VGLL4: variants seen among roughly 807,000 people sequenced by gnomAD.
VGLL4 encodes vestigial like family member 4.
VGLL4 carries 7 observed loss-of-function variants against 21.0 expected under a neutral mutation model. The ratio of observed to expected loss-of-function variants is 0.33; its 90% CI spans 0.19 to 0.63. VGLL4 has a LOEUF of 0.63. Ranked by LOEUF, VGLL4 falls within the 20% of genes least tolerant of loss-of-function variation. The probability of loss-of-function intolerance (pLI) is 0.78; values close to 1 mark genes in which losing one functional copy is unlikely to be tolerated. For synonymous variants in VGLL4, 222 were observed against 173.2 expected (o/e 1.28, Z -2.21); for missense variants, 394 against 425.7 (o/e 0.93, Z 0.66).
At chr3:11,569,992 C>T (rs2073709611) in intron 2 of VGLL4, among the ~76,000 whole-genome samples, 1 of 152,222 alleles carries the variant, frequency 6.6e-6, no homozygotes, top group Non-Finnish European at 1.5e-5. Context: ...CAGCTGTATG[C>T]TCTGCTAATT....
chr3:11,585,595 A>T (rs895917404), intron 2 of VGLL4, among the ~76,000 whole-genome samples: 12 of 152,188 alleles, frequency 7.9e-5, no homozygotes, highest in African/African-American at 2.9e-4. Context: ...GGAATGTTCC[A>T]CCTCTGCCAT....
chr3:11,558,379 C>G lies in VGLL4; in HGVS notation c.*177G>C, dbSNP rs1378327428. 3 of 1,067,266 alleles carry G rather than the reference C, an allele frequency of 2.8e-6. No homozygotes were observed. The African/African-American group carries it at 4.8e-5, about 17-fold the overall frequency. The allele number at this position is 1,067,266 out of a possible 1,614,324, so 66.1% of individuals were successfully genotyped here. ...TATCATGTTTGAGGGCCCCCTTGTA[C>G]GGATACCAAGCAAGTACAAAAACAG... On this transcript the variant is annotated 3_prime_UTR_variant, in exon 5 of 5. Transcript: ENST00000430365.
upstream of VGLL4, among the ~76,000 whole-genome samples, chr3:11,647,874 A>T (rs1006169526): frequency 6.6e-6 from 1 of 152,104 alleles, no homozygotes; most frequent in Non-Finnish European, 1.5e-5. Context: ...ACTCTGGATT[A>T]TCTTACTCGA....
chr3:11,575,566 A>T (rs969584250), intron 2 of VGLL4, among the ~76,000 whole-genome samples: 2 of 152,202 alleles, frequency 1.3e-5, no homozygotes, highest in Non-Finnish European at 2.9e-5. Context: ...ACACTTGGGA[A>T]ACCTGGCGGA....
At chr3:11,618,775 A>G (rs1324508644) in intron 1 of VGLL4, among the ~76,000 whole-genome samples, 2 of 152,226 alleles carry the variant, frequency 1.3e-5, no homozygotes, top group Non-Finnish European at 2.9e-5. Flanking sequence ...AATCATCCCC[A>G]TGATGCCAAG....
intron 2 of VGLL4, among the ~76,000 whole-genome samples, chr3:11,587,855 G>C (rs2074395396): frequency 6.6e-6 from 1 of 152,170 alleles, no homozygotes. Context: ...AACCTGGGGG[G>C]CTTCTTACTG....
At chr3:11,594,663 C>A (rs1352968829) in intron 2 of VGLL4, among the ~76,000 whole-genome samples, 1 of 152,234 alleles carries the variant, frequency 6.6e-6, no homozygotes, top group African/African-American at 2.4e-5. Context: ...AGTTTTAATT[C>A]TATTACAAAT....
intron 2 of VGLL4, among the ~76,000 whole-genome samples, chr3:11,662,313 G>C (rs1160010823): frequency 6.6e-6 from 1 of 152,116 alleles, no homozygotes; most frequent in Non-Finnish European, 1.5e-5. Flanking sequence ...AAATTCATTA[G>C]AATAAGTTTT....
At chr3:11,650,878 A>T (rs533638969) in intron 2 of VGLL4, among the ~76,000 whole-genome samples, 1 of 152,338 alleles carries the variant, frequency 6.6e-6, no homozygotes, top group East Asian at 1.9e-4. Flanking sequence ...GTCATGTTTC[A>T]GAGGATCTCT....
chr3:11,689,363 T>C (rs1575533178), intron 2 of VGLL4, among the ~76,000 whole-genome samples: 2 of 152,230 alleles, frequency 1.3e-5, no homozygotes, highest in South Asian at 4.1e-4. Flanking sequence ...CGTTCTGCAA[T>C]GTTTTGCTCT....
intron 1 of VGLL4, among the ~76,000 whole-genome samples, chr3:11,711,319 C>A (rs1404945893): frequency 6.6e-6 from 1 of 151,756 alleles, no homozygotes; most frequent in Non-Finnish European, 1.5e-5. Context: ...GCGGGCAGAT[C>A]ACAAGGTAAG....
Position 11,582,612 on chromosome 3 carries a change from C to T in VGLL4, c.273-17593G>A, listed in dbSNP as rs145171310. On this transcript the variant is annotated intron_variant, in intron 2 of 4. Coordinates refer to ENST00000430365, the MANE Select transcript of VGLL4 (RefSeq NM_001128219.3). The stretch of plus-strand genomic sequence containing the variant: ...TAGATTTGCTGTCAGAATTACAGCA[C>T]GCGATTTCCTCTTTCTTTGTTTCTC... 3.3e-3 allele frequency among the ~76,000 whole-genome samples: 502 copies of T among 152,330 alleles called. 6 individuals carry two copies. Among genetic ancestry groups the T allele is most frequent in the African/African-American group, 0.011 (472 of 41,568 alleles).
intron 1 of VGLL4, among the ~76,000 whole-genome samples, chr3:11,616,707 A>G (rs1401514043): frequency 6.6e-6 from 1 of 152,262 alleles, no homozygotes; most frequent in African/African-American, 2.4e-5. Flanking sequence ...GGCAGAAAAA[A>G]AATCAGAGGA....
chr3:11,565,422 A>G lies in VGLL4; in HGVS notation c.273-403T>C, dbSNP rs534113445. 6.6e-6 allele frequency among the ~76,000 whole-genome samples: 1 copy of G among 152,284 alleles called. No homozygotes were observed. The highest frequency in any genetic ancestry group is 1.9e-4 in the East Asian group (1 of 5,172). On this transcript the variant is annotated intron_variant, in intron 2 of 4. Transcript: ENST00000430365. The surrounding 1 kb of genome is among the most constrained non-coding windows in gnomAD (Gnocchi z 4.1). Reference sequence around the variant, plus strand: ...TCCAGAGTCACTGGCTGCGTCCTACATGCAGGGCCCTATTCAAAGCCTCCA... The same window carrying G: ...TCCAGAGTCACTGGCTGCGTCCTACGTGCAGGGCCCTATTCAAAGCCTCCA...
intron 2 of VGLL4, among the ~76,000 whole-genome samples, chr3:11,600,440 G>A (rs894384601): frequency 2.0e-5 from 3 of 151,972 alleles, no homozygotes; most frequent in Admixed American, 6.6e-5. Flanking sequence ...TAAGAAATTC[G>A]TGGGAATAAA....
intron 3 of VGLL4, 26 bp from the exon 4 acceptor site, chr3:11,559,481 G>A: frequency 6.5e-7 from 1 of 1,533,592 alleles, no homozygotes; most frequent in Non-Finnish European, 8.8e-7. Context: ...GTGTCAGTAT[G>A]TGGAGACCAG....
intron 2 of VGLL4, among the ~76,000 whole-genome samples, chr3:11,585,561 G>C (rs999095124): frequency 6.6e-6 from 1 of 152,068 alleles, no homozygotes; most frequent in Admixed American, 6.5e-5. Context: ...CAGATTTGTA[G>C]GTTTAAGGAG....
upstream of VGLL4, among the ~76,000 whole-genome samples, chr3:11,644,611 C>T (rs935820329): frequency 2.6e-5 from 4 of 151,948 alleles, no homozygotes; most frequent in Admixed American, 6.6e-5. Context: ...TAATCCTAGT[C>T]GAAGCAGGCG....
Position 11,558,627 on chromosome 3 carries a change from G to A in VGLL4, c.820C>T (p.Arg274Cys), listed in dbSNP as rs377034464. 37 of 1,609,086 alleles carry A rather than the reference G, an allele frequency of 2.3e-5. No individual in the cohort carries two copies. Among genetic ancestry groups the A allele is most frequent in the Admixed American group, 3.3e-5 (2 of 60,006 alleles). The change falls in exon 5 of 5, where the codon CGC becomes TGC. Residue 274 changes from arginine to cysteine, a missense_variant. Arg to Cys is a radical substitution (Grantham distance 180). Transcript: ENST00000430365. ...GASSSPESAS[R>C]RGQPASPSAH... ...GAGGGGCTGGCGGGCTGGCCCCTGC[G>A]AGAGGCGGACTCAGGGCTGCTGGAT... is the stretch of plus-strand genomic sequence containing the variant.
Sources: allele counts gnomAD v4.1 joint callset (sites outside exome capture counted in the v4.1 genomes callset), GRCh38; gene constraint gnomAD v4.1.1; non-coding constraint Gnocchi (gnomAD v3.1); transcripts MANE v1.5; gene names NCBI Gene and HGNC (gene_info 2026-07-23, HGNC 2026-07-21).